JARID2: variants seen among roughly 807,000 people sequenced by gnomAD.
The protein encoded by JARID2 is jumonji and AT-rich interaction domain containing 2, also known as protein Jumonji.
A neutral mutation model predicts 125.6 loss-of-function variants in JARID2; 21 were observed. The observed-to-expected ratio is 0.17, with a 90% CI of 0.12 to 0.24. The LOEUF is 0.24. JARID2 is among the 10% of genes least tolerant of loss of function. JARID2 has a pLI of 1.00. For missense variants in JARID2, 1,303 were observed against 1,639.6 expected, an observed-to-expected ratio of 0.79 and a Z score of 3.55; for synonymous variants, 736 against 661.6, an observed-to-expected ratio of 1.11 and a Z score of -1.73.
chr6:15,495,157 A>G (rs141263942), intron 6 of JARID2, among the ~76,000 whole-genome samples: 1 of 152,202 alleles, frequency 6.6e-6, no homozygotes. Flanking sequence ...GTCTGGCAGC[A>G]GCCCATTGGG....
At chr6:15,325,290 A>G (rs533131346) in intron 1 of JARID2, among the ~76,000 whole-genome samples, 3 of 152,354 alleles carry the variant, frequency 2.0e-5, no homozygotes, top group East Asian at 1.9e-4. Flanking sequence ...GTGTGCACAC[A>G]CACAACTGAA....
rs1223109283 is a variant in JARID2 at position 15,413,017 on chromosome 6, TTTTTTG to T, written c.323+2658_323+2663del. ...AAGAGCTTGTGTTTTTGTTTTTTTT[TTTTTTG>T]TTTTTTTTTTTTTGAGACTGAGTTT... is the stretch of plus-strand genomic sequence containing the variant. On this transcript the variant is annotated intron_variant, in intron 3 of 17. Coordinates refer to ENST00000341776, the MANE Select transcript of JARID2 (RefSeq NM_004973.4). Among the ~76,000 whole-genome samples the T allele has an allele frequency of 7.5e-3, 693 of 92,324 alleles. 43 individuals carry two copies. The highest frequency in any genetic ancestry group is 0.014 in the African/African-American group (360 of 24,932). 60.6% of individuals were successfully genotyped at this position (92,324 alleles called of 152,430 possible). A position where few individuals can be genotyped will look rare whatever the true frequency, so the allele number is the denominator to read the frequency against.
intron 14 of JARID2, among the ~76,000 whole-genome samples, chr6:15,512,713 C>G (rs962304914): frequency 6.6e-6 from 1 of 152,074 alleles, no homozygotes; most frequent in Non-Finnish European, 1.5e-5. Context: ...GCAGCTGCCT[C>G]TGGGTAGCGG....
At chr6:15,514,241 G>A (rs1235840866) in intron 16 of JARID2, among the ~76,000 whole-genome samples, 1 of 152,208 alleles carries the variant, frequency 6.6e-6, no homozygotes, top group African/African-American at 2.4e-5. Flanking sequence ...ACACACTCTG[G>A]GTAGGGACGC....
chr6:15,332,944 T>C (rs1384960627), intron 1 of JARID2, among the ~76,000 whole-genome samples: 1 of 137,416 alleles, frequency 7.3e-6, no homozygotes, highest in Non-Finnish European at 1.6e-5. Flanking sequence ...TCTTTTTTTT[T>C]TTTTTTTTTT....
rs2127743724 is a variant in JARID2, at chr6:15,501,130, G to A, written c.2169G>A (p.Val723=). Residue 723 remains valine, a synonymous_variant, in exon 8 of 18, where the codon GTG becomes GTA. Transcript: ENST00000341776. ...AGCACCGGCGGCTGGAGAAGGAGGTGCTGATGGAGAAGGAGATCCTGGAGA... is the reference window on the plus strand; with the variant it reads ...AGCACCGGCGGCTGGAGAAGGAGGTACTGATGGAGAAGGAGATCCTGGAGA... ...PEEHRRLEKE[V]LMEKEILEKR... 3 of 1,614,132 alleles carry A rather than the reference G, an allele frequency of 1.9e-6. No individual in the cohort carries two copies. Among genetic ancestry groups the A allele is most frequent in the East Asian group, 2.2e-5 (1 of 44,866 alleles).
At chr6:15,477,276 C>T (rs971356169) in intron 5 of JARID2, among the ~76,000 whole-genome samples, 2 of 151,984 alleles carry the variant, frequency 1.3e-5, no homozygotes, top group African/African-American at 4.8e-5. Flanking sequence ...CTCTCTTTGT[C>T]TGGGCGGTGG....
At chr6:15,407,419 G>C (rs537937889) in intron 2 of JARID2, among the ~76,000 whole-genome samples, 5 of 152,278 alleles carry the variant, frequency 3.3e-5, no homozygotes, top group African/African-American at 1.2e-4. Flanking sequence ...GATTCATTTT[G>C]TCAGGAGGAC....
At chr6:15,323,325 GGT>G (rs938814278) in intron 1 of JARID2, among the ~76,000 whole-genome samples, 9 of 152,078 alleles carry the variant, frequency 5.9e-5, no homozygotes, top group Admixed American at 4.6e-4. Flanking sequence ...GAATGAGCCA[GGT>G]GTGTGTGTGT....
At chr6:15,284,720 C>G (rs964301758) in intron 1 of JARID2, among the ~76,000 whole-genome samples, 1 of 152,268 alleles carries the variant, frequency 6.6e-6, no homozygotes, top group East Asian at 1.9e-4. Flanking sequence ...CTCCTGACTT[C>G]AGGTGATCCA....
At chr6:15,391,258 GT>G (rs1459005586) in intron 2 of JARID2, among the ~76,000 whole-genome samples, 1 of 152,206 alleles carries the variant, frequency 6.6e-6, no homozygotes, top group Non-Finnish European at 1.5e-5. Flanking sequence ...TGCCTCTCTA[GT>G]TTTCCCCAGC....
At chr6:15,381,023 TTTATTATTATTTA>T (rs1764561401) in intron 2 of JARID2, among the ~76,000 whole-genome samples, 1 of 151,850 alleles carries the variant, frequency 6.6e-6, no homozygotes, top group Non-Finnish European at 1.5e-5. Flanking sequence ...ATCATTATCA[TTTATTATTATTTA>T]TTATTATTAT....
chr6:15,315,599 T>C (rs1762152866), intron 1 of JARID2, among the ~76,000 whole-genome samples: 1 of 152,172 alleles, frequency 6.6e-6, no homozygotes, highest in Non-Finnish European at 1.5e-5. Flanking sequence ...ATAATTGAGA[T>C]GAGATACGGT....
chr6:15,454,643 AT>A (rs34961974), intron 4 of JARID2, among the ~76,000 whole-genome samples: 6,560 of 141,646 alleles, frequency 0.046, 279 homozygotes, highest in African/African-American at 0.12. Context: ...ACACCCAGCA[AT>A]TTTTTTTTTT....
chr6:15,428,803 A>G (rs34764533), intron 3 of JARID2, among the ~76,000 whole-genome samples: 20,808 of 151,842 alleles, frequency 0.14, 1,594 homozygotes, highest in African/African-American at 0.19. Context: ...CTACCTGGGA[A>G]GCTGAGGCAG....
chr6:15,441,584 G>A (rs375203168), intron 3 of JARID2, among the ~76,000 whole-genome samples: 3 of 152,128 alleles, frequency 2.0e-5, no homozygotes, highest in African/African-American at 7.2e-5. Context: ...GGGAGGACAT[G>A]TAAGATGCCA....
chr6:15,500,778 ACT>A (rs1770696161), intron 7 of JARID2, 127 bp from the exon 8 acceptor site: 3 of 781,790 alleles, frequency 3.8e-6, no homozygotes, highest in African/African-American at 1.7e-5. Flanking sequence ...GCTGTTCACC[ACT>A]CTCACCCCAG....
chr6:15,274,085 C>T (rs985101291), intron 1 of JARID2, among the ~76,000 whole-genome samples: 4 of 152,192 alleles, frequency 2.6e-5, no homozygotes, highest in South Asian at 2.1e-4. Context: ...CCCGCCACCA[C>T]GCCTGCCTAA....
chr6:15,437,295 G>T (rs1439453189), intron 3 of JARID2, among the ~76,000 whole-genome samples: 1 of 152,144 alleles, frequency 6.6e-6, no homozygotes, highest in Admixed American at 6.5e-5. Flanking sequence ...GAAACCTAAG[G>T]CTTCCTGTTC....
Sources: gnomAD v4.1 joint callset for allele counts (sites outside exome capture counted in the v4.1 genomes callset) on GRCh38, gnomAD v4.1.1 for gene constraint, MANE v1.5 for transcripts, NCBI Gene and HGNC (gene_info 2026-07-23, HGNC 2026-07-21) for gene names.